Variants in ADAMTS7 observed in about 807,000 individuals in gnomAD.
The protein encoded by ADAMTS7 is A disintegrin and metalloproteinase with thrombospondin motifs 7.
ADAMTS7 carries 89 observed loss-of-function variants against 172.6 expected under a neutral mutation model. That is an observed-to-expected ratio of 0.52 (90% CI 0.43 to 0.61). The LOEUF is 0.61. ADAMTS7 is among the 20% of genes least tolerant of loss of function. ADAMTS7 has a pLI of 0.00. For missense variants in ADAMTS7, 1,973 were observed against 2,355.6 expected, an observed-to-expected ratio of 0.84 and a Z score of 3.36; for synonymous variants, 885 against 978.4, an observed-to-expected ratio of 0.90 and a Z score of 1.78.
chr15:78,759,513 G>T lies in ADAMTS7; in HGVS notation c.4969C>A (p.Leu1657Met). 1 of 1,597,156 alleles carries T rather than the reference G, an allele frequency of 6.3e-7. No homozygotes were observed. Among genetic ancestry groups the T allele is most frequent in the Non-Finnish European group, 8.5e-7 (1 of 1,177,224 alleles). The change falls in exon 24 of 24, where the codon CTG (leucine) becomes ATG (methionine). Residue 1657 changes from leucine (L) to methionine (M), a missense_variant. Physicochemically the swap from Leu to Met is conservative, Grantham distance 15. Transcript: ENST00000388820. ...ETLRLLGRCQ[L>M]PTIRTQCCRS... Reference sequence around the variant, plus strand: ...CAGCACTGGGTGCGGATGGTGGGCAGCTGGCAGCGGCCCAGTAGGCGCAGC... The same window carrying T: ...CAGCACTGGGTGCGGATGGTGGGCATCTGGCAGCGGCCCAGTAGGCGCAGC...
chr15:78,766,860 G>A lies in ADAMTS7; in HGVS notation c.3051C>T (p.Asn1017=), dbSNP rs192424653. ...GGTGGTGCGGGATGAAGTCAGCCTCGTTGAAGAGCTCGTGGCTGGAGGAGC... is the reference window on the plus strand; with the variant it reads ...GGTGGTGCGGGATGAAGTCAGCCTCATTGAAGAGCTCGTGGCTGGAGGAGC... ...GSGSSSHELF[N]EADFIPHHLA... The change falls in exon 19 of 24, where the codon AAC becomes AAT. Residue 1017 remains asparagine (N), a synonymous_variant. Coordinates refer to ENST00000388820, the MANE Select transcript of ADAMTS7 (RefSeq NM_014272.5). 6.6e-4 allele frequency: 1,068 copies of A among 1,609,800 alleles called. 11 individuals are homozygous for A. In the South Asian group the frequency reaches 0.01, roughly 15 times the overall value.
chr15:78,788,108 GT>G (rs1302013325), intron 8 of ADAMTS7, 122 bp downstream of exon 8: 12 of 1,321,258 alleles, frequency 9.1e-6, no homozygotes, highest in Non-Finnish European at 2.1e-6. Context: ...TTGACCTCAT[GT>G]ATCAAGATCT....
In ADAMTS7 at chr15:78,759,552, C is replaced by G; in HGVS notation, c.4930G>C (p.Gly1644Arg). ...AGTAGGCGCAGCGTCTCGCAGAACC[C>G]GAAGGACAGGCGGTCCCGCTCACAG... is the stretch of plus-strand genomic sequence containing the variant. ...PRCERDRLSF[G>R]FCETLRLLGR... The change falls in exon 24 of 24, where the codon GGG (glycine) becomes CGG (arginine). Residue 1644 changes from glycine to arginine, a missense_variant. Coordinates refer to ENST00000388820, the MANE Select transcript of ADAMTS7 (RefSeq NM_014272.5). 6.3e-7 allele frequency: 1 copy of G among 1,593,124 alleles called. No homozygotes were observed. The highest frequency in any genetic ancestry group is 1.1e-5 in the South Asian group (1 of 89,372).
rs529660622 is a variant in ADAMTS7 at position 78,776,469 on chromosome 15, C to T, written c.1561-136G>A. 7.9e-6 allele frequency: 10 copies of T among 1,269,378 alleles called. No individual in the cohort carries two copies. The East Asian group carries it at 1.4e-4, about 18-fold the overall frequency. 78.6% of individuals were successfully genotyped at this position (1,269,378 alleles called of 1,614,324 possible). A position where few individuals can be genotyped will look rare whatever the true frequency, so the allele number is the denominator to read the frequency against. On this transcript the variant is annotated intron_variant, in intron 10 of 23. Transcript: ENST00000388820. ...ATGGAAGGTGAGAGAGGCACCCTCA[C>T]AATCATCACAATCATCTGTGACCCA...
chr15:78,792,665 T>C (rs1163696961), intron 4 of ADAMTS7, among the ~76,000 whole-genome samples: 2 of 152,010 alleles, frequency 1.3e-5, no homozygotes, highest in Admixed American at 6.6e-5. Context: ...ATACAAAAAT[T>C]AGCTCGGCAT....
At position 78,771,524 on chromosome 15, in the gene ADAMTS7, G is replaced by A; in HGVS notation, c.2376+61C>T. 1.3e-6 allele frequency: 2 copies of A among 1,550,282 alleles called. No individual in the cohort carries two copies. Among genetic ancestry groups the A allele is most frequent in the Non-Finnish European group, 1.7e-6 (2 of 1,152,694 alleles). On this transcript the variant is annotated intron_variant, in intron 15 of 23. Coordinates refer to ENST00000388820, the MANE Select transcript of ADAMTS7 (RefSeq NM_014272.5). This position sits in a 1 kb window ranked among gnomAD's most constrained non-coding sequence, Gnocchi z 4.9. ...CCTCCAGGACGAGACCTGCCATGGA[G>A]GGTGCTGGGCCTGGGGACTCCGCCT...
chr15:78,797,479 C>T (rs1254233465), intron 3 of ADAMTS7, among the ~76,000 whole-genome samples: 1 of 152,220 alleles, frequency 6.6e-6, no homozygotes, highest in Non-Finnish European at 1.5e-5. Flanking sequence ...TGCTGCTCTG[C>T]AGAGGAGGCA....
chr15:78,785,558 A>G (rs1034202071), intron 8 of ADAMTS7, among the ~76,000 whole-genome samples: 4 of 152,018 alleles, frequency 2.6e-5, no homozygotes, highest in African/African-American at 9.7e-5. Flanking sequence ...AAAAAAAAAA[A>G]AAAAAGAAAA....
Position 78,811,394 on chromosome 15 carries a change from G to A in ADAMTS7, c.-174C>T, listed in dbSNP as rs2055865663. ...CGGTCCGCGGGCAACAAAGGCTGCA[G>A]GGCCCGCCCCCTTGGCCGCTGCAGA... is the stretch of plus-strand genomic sequence containing the variant. On this transcript the variant is annotated 5_prime_UTR_variant, in exon 1 of 24. Coordinates refer to ENST00000388820, the MANE Select transcript of ADAMTS7 (RefSeq NM_014272.5). The A allele has an allele frequency of 1.6e-5, 10 of 632,372 alleles. No homozygotes were observed. Among genetic ancestry groups the A allele is most frequent in the Non-Finnish European group, 2.2e-5 (10 of 446,420 alleles). The allele number at this position is 632,372 out of a possible 1,614,324, so 39.2% of individuals were successfully genotyped here.
rs1248450369 is a variant in ADAMTS7, at chr15:78,767,510, T to A, written c.2728A>T (p.Ser910Cys). ...LSRRAVLCIRSVGLDEQSALE... is the reference protein window; with the variant it reads ...LSRRAVLCIRCVGLDEQSALE... The stretch of plus-strand genomic sequence containing the variant: ...GCGCTCTGCTCATCCAGCCCCACGC[T>A]GCGGATGCAGAGCACGGCCCGGCGG... The change falls in exon 18 of 24, where the codon AGC becomes TGC. Residue 910 changes from serine to cysteine, a missense_variant. Around this residue, in one of 8 missense-constraint regions of ADAMTS7, gnomAD observed 771 missense variants for 952.6 expected, o/e 0.81. Transcript: ENST00000388820. The A allele has an allele frequency of 6.2e-7, 1 of 1,608,166 alleles. No homozygotes were observed. Among genetic ancestry groups the A allele is most frequent in the African/African-American group, 1.3e-5 (1 of 74,800 alleles).
chr15:78,801,777 G>T (rs968065601), intron 1 of ADAMTS7, among the ~76,000 whole-genome samples: 2 of 151,916 alleles, frequency 1.3e-5, no homozygotes, highest in African/African-American at 4.8e-5. Flanking sequence ...TCCTGAGCTC[G>T]AGCCATCCTC....
chr15:78,765,584 T>C, intron 19 of ADAMTS7, 61 bp downstream of exon 19: 1 of 1,598,146 alleles, frequency 6.3e-7, no homozygotes, highest in Non-Finnish European at 8.5e-7. Flanking sequence ...CATTTTCAGA[T>C]GAGGAAATAG....
At chr15:78,779,441 G>T (rs1303210082) in intron 8 of ADAMTS7, among the ~76,000 whole-genome samples, 1 of 152,172 alleles carries the variant, frequency 6.6e-6, no homozygotes, top group Non-Finnish European at 1.5e-5. Flanking sequence ...ACCAGGCTGT[G>T]TCTACTCACT....
At chr15:78,761,298 G>A (rs568159344) in intron 23 of ADAMTS7, among the ~76,000 whole-genome samples, 1 of 152,354 alleles carries the variant, frequency 6.6e-6, no homozygotes, top group South Asian at 2.1e-4. Context: ...AGGGGGCCCT[G>A]AATGCCAGCT....
rs1475956029 is a variant in ADAMTS7, at chr15:78,759,414, GGC to G, written c.*5_*6del. 6.9e-6 allele frequency: 11 copies of G among 1,590,266 alleles called. No homozygotes were observed. The highest frequency in any genetic ancestry group is 2.3e-4 in the Middle Eastern group (1 of 4,410). On this transcript the variant is annotated 3_prime_UTR_variant, in exon 24 of 24. Coordinates refer to ENST00000388820, the MANE Select transcript of ADAMTS7 (RefSeq NM_014272.5). Reference sequence around the variant, plus strand: ...GTCTGTCGGTCGGTCTGTGCATCCTGGCGCAGTCAGCGGCGGGCAACCCGCTG... The same window carrying G: ...GTCTGTCGGTCGGTCTGTGCATCCTGGCAGTCAGCGGCGGGCAACCCGCTG...
At chr15:78,787,001 T>C (rs1006473283) in intron 8 of ADAMTS7, among the ~76,000 whole-genome samples, 2 of 152,216 alleles carry the variant, frequency 1.3e-5, no homozygotes, top group Non-Finnish European at 2.9e-5. Flanking sequence ...ACATATTTTC[T>C]CTTCCTTATG....
At chr15:78,764,146 A>C in intron 20 of ADAMTS7, 47 bp from the exon 21 acceptor site, 1 of 1,470,506 alleles carries the variant, frequency 6.8e-7, no homozygotes, top group East Asian at 2.5e-5. Context: ...GTGCAGGCCC[A>C]CAGGCGTGAC....
At chr15:78,788,422 G>T (rs753316633) in intron 7 of ADAMTS7, 48 bp from the exon 8 acceptor site, 8 of 1,598,602 alleles carry the variant, frequency 5.0e-6, no homozygotes, top group South Asian at 3.4e-5. Context: ...GCGGGAGGCT[G>T]CCAGCCTGCC....
chr15:78,774,916 G>A (rs987715690), intron 11 of ADAMTS7, 123 bp from the exon 12 acceptor site: 3 of 1,242,856 alleles, frequency 2.4e-6, no homozygotes, highest in African/African-American at 3.0e-5. Flanking sequence ...CCAGCTTTGT[G>A]CACGCTGCTC....
Sources: allele counts gnomAD v4.1 joint callset (sites outside exome capture counted in the v4.1 genomes callset), GRCh38; gene constraint gnomAD v4.1.1; regional missense constraint gnomAD v4.1.1; non-coding constraint Gnocchi (gnomAD v3.1); transcripts MANE v1.5; gene names NCBI Gene and HGNC (gene_info 2026-07-23, HGNC 2026-07-21).